NR3C2: variants seen among roughly 807,000 people sequenced by gnomAD.
NR3C2 encodes mineralocorticoid receptor.
Under a neutral mutation model 86.4 loss-of-function variants are expected in NR3C2, and 15 were observed. The observed-to-expected ratio is 0.17, with a 90% CI of 0.12 to 0.27. The LOEUF (loss-of-function observed/expected upper bound fraction) is 0.27, where lower values mean the gene tolerates loss of function less well. Among genes scored for constraint, NR3C2 ranks in the 10% least tolerant of loss-of-function variants. The probability of loss-of-function intolerance (pLI) is 1.00; values close to 1 mark genes in which losing one functional copy is unlikely to be tolerated. For synonymous variants in NR3C2, 458 were observed against 450.5 expected (o/e 1.02, Z -0.21); for missense variants, 960 against 1,195.6 (o/e 0.80, Z 2.91).
chr4:148,249,615 T>C (rs138072993), intron 3 of NR3C2, among the ~76,000 whole-genome samples: 10 of 152,354 alleles, frequency 6.6e-5, no homozygotes, highest in Admixed American at 6.5e-4. Context: ...CTAAAGGCTC[T>C]AGTAAAGACA....
intron 6 of NR3C2, among the ~76,000 whole-genome samples, chr4:148,133,171 C>T (rs181470059): frequency 7.1e-4 from 102 of 144,526 alleles, no homozygotes; most frequent in African/African-American, 2.3e-3. Flanking sequence ...TCAGCCTGGA[C>T]GACAGGAGTA....
At chr4:148,290,677 A>G (rs1324031364) in intron 2 of NR3C2, among the ~76,000 whole-genome samples, 3 of 152,226 alleles carry the variant, frequency 2.0e-5, no homozygotes, top group Admixed American at 6.5e-5. Context: ...GAAATGGTCA[A>G]TGTCCTTTGA....
In NR3C2 at chr4:148,435,970, C is replaced by A. The variant is rs1260893988; in HGVS notation, c.891G>T (p.Val297=). The A allele has an allele frequency of 6.2e-7, 1 of 1,614,188 alleles. No homozygotes were observed. Among genetic ancestry groups the A allele is most frequent in the Non-Finnish European group, 8.5e-7 (1 of 1,180,024 alleles). Residue 297 remains valine (V), a synonymous_variant, in exon 2 of 9, where the codon GTG becomes GTT. Transcript: ENST00000358102. Reference sequence around the variant, plus strand: ...AGTTGTTAATATTTGCAGGGCTAGACACAGAGGATCTCAGAGTGACATTAT... The same window carrying A: ...AGTTGTTAATATTTGCAGGGCTAGAAACAGAGGATCTCAGAGTGACATTAT... ...SPNNVTLRSS[V]SSPANINNSR... is the part of the protein sequence containing the mutation.
At chr4:148,248,529 G>A (rs1739424586) in intron 3 of NR3C2, among the ~76,000 whole-genome samples, 1 of 152,014 alleles carries the variant, frequency 6.6e-6, no homozygotes, top group African/African-American at 2.4e-5. Flanking sequence ...AATTGTTTAA[G>A]ATGCAGAAAG....
intron 3 of NR3C2, among the ~76,000 whole-genome samples, chr4:148,248,370 G>A (rs1011701071): frequency 2.0e-5 from 3 of 152,182 alleles, no homozygotes; most frequent in African/African-American, 7.2e-5. Flanking sequence ...TGATGGTGCA[G>A]GCCAGATGAA....
At chr4:148,141,694 C>T (rs1038782186) in intron 6 of NR3C2, among the ~76,000 whole-genome samples, 5 of 152,134 alleles carry the variant, frequency 3.3e-5, no homozygotes, top group Admixed American at 2.0e-4. Flanking sequence ...GGGCAGCAGG[C>T]GAGTGAGTGT....
chr4:148,203,331 A>G (rs1013814936), intron 3 of NR3C2, among the ~76,000 whole-genome samples: 33 of 152,166 alleles, frequency 2.2e-4, no homozygotes, highest in Non-Finnish European at 1.2e-4. Context: ...AAAAAAAAAA[A>G]ATCATTTATT....
chr4:148,214,732 C>A (rs1265865024), intron 3 of NR3C2, among the ~76,000 whole-genome samples: 1 of 152,200 alleles, frequency 6.6e-6, no homozygotes, highest in Admixed American at 6.5e-5. Flanking sequence ...CTGCTCAGGG[C>A]TTGCCAATGG....
intron 3 of NR3C2, among the ~76,000 whole-genome samples, chr4:148,201,425 TTTTATTA>T (rs542323624): frequency 3.2e-4 from 48 of 152,324 alleles, no homozygotes; most frequent in Middle Eastern, 6.8e-3. Flanking sequence ...GTTTCGGTGT[TTTTATTA>T]TTGCCATGTA....
At chr4:148,081,844 A>G (rs1730577687) in intron 8 of NR3C2, among the ~76,000 whole-genome samples, 1 of 152,182 alleles carries the variant, frequency 6.6e-6, no homozygotes, top group Admixed American at 6.5e-5. Flanking sequence ...CTACACGTGT[A>G]TCTTTGTATT....
intron 3 of NR3C2, among the ~76,000 whole-genome samples, chr4:148,231,457 ATT>A (rs929913792): frequency 6.6e-5 from 10 of 152,318 alleles, no homozygotes; most frequent in Non-Finnish European, 1.5e-4. Flanking sequence ...TGTTTACACT[ATT>A]ACTGAAGTCT....
chr4:148,377,618 T>A (rs915197902), intron 2 of NR3C2, among the ~76,000 whole-genome samples: 1 of 152,148 alleles, frequency 6.6e-6, no homozygotes, highest in Non-Finnish European at 1.5e-5. Flanking sequence ...GTGTCCTATA[T>A]CATAGTAACA....
At chr4:148,340,933 C>A (rs1015715601) in intron 2 of NR3C2, among the ~76,000 whole-genome samples, 5 of 151,856 alleles carry the variant, frequency 3.3e-5, no homozygotes, top group African/African-American at 1.2e-4. Flanking sequence ...CATCTCATCC[C>A]AGTTAAAATG....
intron 2 of NR3C2, among the ~76,000 whole-genome samples, chr4:148,354,176 A>C (rs1023911167): frequency 3.9e-5 from 6 of 152,134 alleles, no homozygotes; most frequent in Admixed American, 6.6e-5. Context: ...GAAGATGACA[A>C]GGATGAAGAC....
At chr4:148,229,553 G>A (rs1356275302) in intron 3 of NR3C2, among the ~76,000 whole-genome samples, 1 of 152,122 alleles carries the variant, frequency 6.6e-6, no homozygotes, top group African/African-American at 2.4e-5. Context: ...CAAATGATAT[G>A]TGGGCTCTGG....
At chr4:148,407,197 C>T (rs910978804) in intron 2 of NR3C2, among the ~76,000 whole-genome samples, 1 of 152,104 alleles carries the variant, frequency 6.6e-6, no homozygotes, top group Non-Finnish European at 1.5e-5. Flanking sequence ...CAAACCCAAG[C>T]AGTGTAATTT....
At chr4:148,187,506 C>T (rs920503045) in intron 4 of NR3C2, among the ~76,000 whole-genome samples, 8 of 151,954 alleles carry the variant, frequency 5.3e-5, no homozygotes, top group East Asian at 1.9e-4. Flanking sequence ...TATCTTCTTT[C>T]GAGAATTGTG....
At position 148,154,898 on chromosome 4, in the gene NR3C2, C is replaced by T. The variant is rs1420676853; in HGVS notation, c.2018G>A (p.Arg673Gln). ...TAACTTTCCCAACTTCTTTGACTTT[C>T]GTGCTATAAGAAACCATAAATGATA... ...CLQAGMNLGA[R>Q]KSKKLGKLKG... Residue 673 changes from arginine to glutamine, a missense_variant, in exon 5 of 9, where the codon CGA (arginine) becomes CAA (glutamine). Arg to Gln is a conservative substitution (Grantham distance 43). Coordinates refer to ENST00000358102, the MANE Select transcript of NR3C2 (RefSeq NM_000901.5). 2.6e-6 allele frequency: 4 copies of T among 1,555,010 alleles called. No homozygotes were observed. Among genetic ancestry groups the T allele is most frequent in the Non-Finnish European group, 3.5e-6 (4 of 1,149,122 alleles).
upstream of NR3C2, chr4:148,444,561 G>C: frequency 2.0e-6 from 2 of 987,980 alleles, no homozygotes; most frequent in Non-Finnish European, 1.2e-6. Flanking sequence ...TGGGGCGGGG[G>C]AAGGGGAACG....
Sources: allele counts gnomAD v4.1 joint callset (sites outside exome capture counted in the v4.1 genomes callset), GRCh38; gene constraint gnomAD v4.1.1; transcripts MANE v1.5; gene names NCBI Gene and HGNC (gene_info 2026-07-23, HGNC 2026-07-21).